Variants in SDK1 observed in about 807,000 individuals in gnomAD.
SDK1 encodes sidekick cell adhesion molecule 1, also known as protein sidekick-1.
In SDK1, 157 loss-of-function variants were observed where a neutral mutation model predicts 245.5. That is an observed-to-expected ratio of 0.64 (90% confidence interval 0.56 to 0.73). The LOEUF (loss-of-function observed/expected upper bound fraction) is 0.73. Among genes scored for constraint, SDK1 ranks in the 30% least tolerant of loss-of-function variants. The pLI is 0.00. For missense variants in SDK1, 3,583 were observed against 3,002.3 expected, an observed-to-expected ratio of 1.19 and a Z score of -4.52; for synonymous variants, 1,647 against 1,278.5, an observed-to-expected ratio of 1.29 and a Z score of -6.15.
intron 32 of SDK1, among the ~76,000 whole-genome samples, chr7:4,163,093 G>A (rs560569351): frequency 1.1e-4 from 17 of 152,328 alleles, no homozygotes; most frequent in African/African-American, 4.1e-4. Flanking sequence ...AAGCACGAGG[G>A]CAGAGTCAAA....
Position 3,779,443 on chromosome 7 carries a change from A to G in SDK1, c.714-42007A>G, listed in dbSNP as rs535141954. On this transcript the variant is annotated intron_variant, in intron 4 of 44. Coordinates refer to ENST00000404826, the MANE Select transcript of SDK1 (RefSeq NM_152744.4). Reference sequence around the variant, plus strand: ...GTTTGTGAAGTGGTGTGGCAAAGCCAGTAACCTATTTTTTTTAAAAAAAAA... The same window carrying G: ...GTTTGTGAAGTGGTGTGGCAAAGCCGGTAACCTATTTTTTTTAAAAAAAAA... 9.2e-5 allele frequency among the ~76,000 whole-genome samples: 14 copies of G among 152,136 alleles called. No homozygotes were observed. The East Asian group carries it at 2.7e-3, about 29-fold the overall frequency.
chr7:4,035,175 G>C (rs1583896330), intron 17 of SDK1, among the ~76,000 whole-genome samples: 1 of 151,932 alleles, frequency 6.6e-6, no homozygotes, highest in Non-Finnish European at 1.5e-5. Flanking sequence ...AGTAGAGATG[G>C]GGTTTCACCA....
chr7:3,345,581 T>C (rs976169821), intron 1 of SDK1, among the ~76,000 whole-genome samples: 4 of 151,208 alleles, frequency 2.6e-5, no homozygotes, highest in African/African-American at 7.4e-5. Context: ...TTCCAGGAAA[T>C]TATTTCTGAT....
intron 4 of SDK1, among the ~76,000 whole-genome samples, chr7:3,757,800 C>A (rs1044411724): frequency 2.6e-5 from 4 of 152,146 alleles, no homozygotes; most frequent in African/African-American, 7.2e-5. Flanking sequence ...TGATTGAACT[C>A]AACCTTCAGG....
intron 35 of SDK1, among the ~76,000 whole-genome samples, chr7:4,200,395 T>C (rs1783821602): frequency 6.6e-6 from 1 of 152,222 alleles, no homozygotes; most frequent in Non-Finnish European, 1.5e-5. Flanking sequence ...GATCCCAGTA[T>C]AGCAACCTAA....
At chr7:4,190,787 G>A (rs890619286) in intron 35 of SDK1, among the ~76,000 whole-genome samples, 20 of 152,248 alleles carry the variant, frequency 1.3e-4, no homozygotes, top group African/African-American at 1.9e-4. Flanking sequence ...CAAAGGGCGG[G>A]TGATAGGAGC....
intron 7 of SDK1, among the ~76,000 whole-genome samples, chr7:3,954,290 C>CCT (rs2128126558): frequency 1.6e-5 from 1 of 61,942 alleles, no homozygotes; most frequent in South Asian, 9.1e-4. Flanking sequence ...CACCTCTACA[C>CCT]TCTACAGCCT....
chr7:3,929,161 A>G (rs1779885904), intron 5 of SDK1, among the ~76,000 whole-genome samples: 1 of 152,254 alleles, frequency 6.6e-6, no homozygotes, highest in Non-Finnish European at 1.5e-5. Context: ...GCCCTTGGTT[A>G]AACGGTTATC....
intron 2 of SDK1, among the ~76,000 whole-genome samples, chr7:3,637,810 G>GT (rs1459263901): frequency 1.3e-5 from 2 of 152,260 alleles, no homozygotes; most frequent in Admixed American, 1.3e-4. Context: ...ACGTGGAGAA[G>GT]TAAGGAAAGG....
chr7:3,688,641 C>T (rs190763894), intron 4 of SDK1, among the ~76,000 whole-genome samples: 1 of 152,192 alleles, frequency 6.6e-6, no homozygotes, highest in Non-Finnish European at 1.5e-5. Context: ...CTTTGCAGAC[C>T]TCAGTTTCCT....
At chr7:3,541,330 C>G (rs574303338) in intron 1 of SDK1, among the ~76,000 whole-genome samples, 15 of 152,330 alleles carry the variant, frequency 9.8e-5, no homozygotes, top group African/African-American at 3.6e-4. Context: ...TCCACTTGCT[C>G]AGAGCCATGC....
rs374108232 is a variant in SDK1 at position 4,253,141 on chromosome 7, T to C, written c.6381+7336T>C. On this transcript the variant is annotated intron_variant, in intron 44 of 44. Coordinates refer to ENST00000404826, the MANE Select transcript of SDK1 (RefSeq NM_152744.4). Reference sequence around the variant, plus strand: ...TACTTTCTATTTCATTTATTTCTACTCTAATCTTTATGACTTTCTTCTGCT... The same window carrying C: ...TACTTTCTATTTCATTTATTTCTACCCTAATCTTTATGACTTTCTTCTGCT... Among the ~76,000 whole-genome samples, 15 of 152,138 alleles carry C rather than the reference T, an allele frequency of 9.9e-5. 1 individual carries two copies. The highest frequency in any genetic ancestry group is 7.2e-4 in the Admixed American group (11 of 15,250).
At chr7:4,091,333 T>C (rs11773674) in intron 22 of SDK1, among the ~76,000 whole-genome samples, 3 of 123,626 alleles carry the variant, frequency 2.4e-5, no homozygotes, top group Non-Finnish European at 4.8e-5. Flanking sequence ...TCTTTTCTTT[T>C]CTTTTTTTTT....
chr7:3,997,153 AT>A (rs1784744154), intron 14 of SDK1, among the ~76,000 whole-genome samples: 1 of 152,172 alleles, frequency 6.6e-6, no homozygotes. Context: ...CTTATTGGAA[AT>A]TGTTACGGGA....
rs1254036391 is a variant in SDK1 at position 3,812,441 on chromosome 7, C to T, written c.714-9009C>T. ...TTTAGAAATTCCACCCTGCAACTTA[C>T]CACCGCTTGGGTCTATATTTAAGAG... On this transcript the variant is annotated intron_variant, in intron 4 of 44. Coordinates refer to ENST00000404826, the MANE Select transcript of SDK1 (RefSeq NM_152744.4). 3.3e-5 allele frequency among the ~76,000 whole-genome samples: 5 copies of T among 152,126 alleles called. No homozygotes were observed. In the South Asian group the frequency reaches 1.0e-3, roughly 32 times the overall value.
chr7:3,872,354 T>C (rs1314864394), intron 5 of SDK1, among the ~76,000 whole-genome samples: 2 of 152,098 alleles, frequency 1.3e-5, no homozygotes, highest in Middle Eastern at 3.2e-3. Context: ...CTGTAAGATA[T>C]CGTATAGAGT....
At chr7:3,873,718 C>T (rs1216655820) in intron 5 of SDK1, among the ~76,000 whole-genome samples, 4 of 152,136 alleles carry the variant, frequency 2.6e-5, no homozygotes, top group Admixed American at 2.6e-4. Context: ...TTCAAGTCTG[C>T]TCATGAGCCC....
chr7:3,532,217 G>A (rs956369607), intron 1 of SDK1, among the ~76,000 whole-genome samples: 1 of 152,144 alleles, frequency 6.6e-6, no homozygotes, highest in East Asian at 1.9e-4. Context: ...TAATGAGTTT[G>A]CTTTTTATTC....
intron 42 of SDK1, among the ~76,000 whole-genome samples, chr7:4,240,692 A>G (rs1169208807): frequency 6.6e-6 from 1 of 152,086 alleles, no homozygotes; most frequent in East Asian, 1.9e-4. Context: ...GACACTGGGG[A>G]GTGTGATGGA....
Sources: gnomAD v4.1 joint callset for allele counts (sites outside exome capture counted in the v4.1 genomes callset) on GRCh38, gnomAD v4.1.1 for gene constraint, MANE v1.5 for transcripts, NCBI Gene and HGNC (gene_info 2026-07-23, HGNC 2026-07-21) for gene names.